The following INPP5A variants were observed in gnomAD, a reference collection of about 807,000 sequenced individuals.
INPP5A encodes 43 kDa inositol polyphosphate 5-phophatase.
Under a neutral mutation model 65.2 loss-of-function variants are expected in INPP5A, and 14 were observed. The ratio of observed to expected loss-of-function variants is 0.21; its 90% confidence interval spans 0.14 to 0.34. The LOEUF (loss-of-function observed/expected upper bound fraction) is 0.34. Ranked by LOEUF, INPP5A falls within the 10% of genes least tolerant of loss-of-function variation. INPP5A has a pLI of 1.00. For missense variants in INPP5A, 431 were observed against 545.6 expected (o/e 0.79, Z 2.09); for synonymous variants, 207 against 208.3 (o/e 0.99, Z 0.05).
intron 8 of INPP5A, among the ~76,000 whole-genome samples, chr10:132,717,749 T>G (rs912643560): frequency 6.8e-6 from 1 of 147,546 alleles, no homozygotes; most frequent in Non-Finnish European, 1.5e-5. Flanking sequence ...TCTTCAGGGT[T>G]CTGTGGTACC....
intron 1 of INPP5A, among the ~76,000 whole-genome samples, chr10:132,559,239 C>T (rs1221849180): frequency 1.3e-5 from 2 of 152,232 alleles, no homozygotes; most frequent in South Asian, 2.1e-4. Context: ...GCTCCATCCC[C>T]TCTCCCCGGC....
chr10:132,706,446 T>A lies in INPP5A; in HGVS notation c.475-1867T>A, dbSNP rs1845538889. On this transcript the variant is annotated intron_variant, in intron 6 of 15. Coordinates refer to ENST00000368594, the MANE Select transcript of INPP5A (RefSeq NM_005539.5). The surrounding 1 kb of genome is among the most constrained non-coding windows in gnomAD (Gnocchi z 4.7). ...TGGCAGTGAAGCTTCAGAATATTGATGACAAAGAGAAAAACTTTAAAACAG... is the reference window on the plus strand; with the variant it reads ...TGGCAGTGAAGCTTCAGAATATTGAAGACAAAGAGAAAAACTTTAAAACAG... 6.6e-6 allele frequency among the ~76,000 whole-genome samples: 1 copy of A among 152,176 alleles called. No homozygotes were observed. The highest frequency in any genetic ancestry group is 6.5e-5 in the Admixed American group (1 of 15,274).
Position 132,771,325 on chromosome 10 carries a change from G to A in INPP5A, c.977+5479G>A, listed in dbSNP as rs138658978. On this transcript the variant is annotated intron_variant, in intron 12 of 15. Transcript: ENST00000368594. ...CCTGCTTCCCTCGTAAGTGAAGGTA[G>A]CTTTTTGTTTAGTGCTGAGGGATTG... 2.2e-3 allele frequency among the ~76,000 whole-genome samples: 341 copies of A among 152,372 alleles called. 5 individuals are homozygous for A. The highest frequency in any genetic ancestry group is 8.0e-3 in the African/African-American group (331 of 41,584).
chr10:132,586,843 G>A (rs541817861), intron 1 of INPP5A, among the ~76,000 whole-genome samples: 1 of 152,172 alleles, frequency 6.6e-6, no homozygotes, highest in Non-Finnish European at 1.5e-5. Flanking sequence ...GCGCGGCGAG[G>A]CCACGGTTCT....
intron 4 of INPP5A, among the ~76,000 whole-genome samples, chr10:132,687,400 C>G (rs1004284083): frequency 2.6e-5 from 4 of 152,256 alleles, no homozygotes; most frequent in Admixed American, 6.5e-5. Context: ...CTGGACCCAG[C>G]AGCAGCTCAC....
At chr10:132,717,082 C>G (rs1051350987) in intron 8 of INPP5A, among the ~76,000 whole-genome samples, 1 of 152,214 alleles carries the variant, frequency 6.6e-6, no homozygotes, top group Non-Finnish European at 1.5e-5. Flanking sequence ...GCTTTGCAGC[C>G]GACCTTAGTT....
chr10:132,763,796 AACAC>A (rs1168277238), intron 11 of INPP5A, among the ~76,000 whole-genome samples: 4 of 145,192 alleles, frequency 2.8e-5, no homozygotes, highest in Admixed American at 6.8e-5. Context: ...CCTGCATGCA[AACAC>A]ACATGCCTGT....
At chr10:132,694,515 C>A (rs1043653880) in intron 5 of INPP5A, among the ~76,000 whole-genome samples, 1 of 151,944 alleles carries the variant, frequency 6.6e-6, no homozygotes, top group African/African-American at 2.4e-5. Flanking sequence ...AAAGAAAATT[C>A]CAAAGTAAGC....
chr10:132,738,231 G>A (rs1212652868), intron 9 of INPP5A, among the ~76,000 whole-genome samples: 4 of 152,244 alleles, frequency 2.6e-5, no homozygotes, highest in African/African-American at 4.8e-5. Context: ...AGGGCACAGA[G>A]CAGGTCTCTC....
chr10:132,778,018 C>A, intron 13 of INPP5A: 1 of 1,146,538 alleles, frequency 8.7e-7, no homozygotes, highest in Non-Finnish European at 1.2e-6. Flanking sequence ...CATGGGCAGC[C>A]AGCGTCATCC....
At chr10:132,573,273 G>C (rs527664619) in intron 1 of INPP5A, among the ~76,000 whole-genome samples, 1 of 119,244 alleles carries the variant, frequency 8.4e-6, no homozygotes, top group African/African-American at 3.3e-5. Context: ...GCTGTGTGAG[G>C]TTTTGTTGAT....
chr10:132,721,356 T>C (rs1845875104), intron 8 of INPP5A, among the ~76,000 whole-genome samples: 1 of 149,176 alleles, frequency 6.7e-6, no homozygotes, highest in Admixed American at 6.7e-5. Flanking sequence ...GGATTCTTTC[T>C]GGGGGCGCCT....
chr10:132,691,479 A>G (rs916992194), intron 5 of INPP5A, among the ~76,000 whole-genome samples: 1 of 152,262 alleles, frequency 6.6e-6, no homozygotes, highest in African/African-American at 2.4e-5. Context: ...CGTGTGCTGC[A>G]GGAAGCTGGA....
In INPP5A at chr10:132,710,454, C is replaced by T. The variant is rs771764796; in HGVS notation, c.645C>T (p.Asp215=). ...ACAAGGCACTGGGCTACGTGCTGGA[C>T]AGGTAGGTGTGGGCGGGCAGGTAGG... is the stretch of plus-strand genomic sequence containing the variant. The part of the protein sequence containing the change: ...IRHKALGYVL[D]RIIDQRFEKV... The change falls in exon 8 of 16, where the codon GAC becomes GAT. Residue 215 remains aspartate, a splice_region_variant and synonymous_variant. Coordinates refer to ENST00000368594, the MANE Select transcript of INPP5A (RefSeq NM_005539.5). 1 of 1,613,250 alleles carries T rather than the reference C, an allele frequency of 6.2e-7. No individual in the cohort carries two copies. Among genetic ancestry groups the T allele is most frequent in the Non-Finnish European group, 8.5e-7 (1 of 1,179,788 alleles).
rs1319561579 is a variant in INPP5A, at chr10:132,752,674, G to A, written c.903+2829G>A. ...CACGGGGCGTGGAGGGGCACGGGGC[G>A]TGGAGGGGGTGCGGCATGGAGGGGG... On this transcript the variant is annotated intron_variant, in intron 11 of 15. Transcript: ENST00000368594. 1.5e-3 allele frequency among the ~76,000 whole-genome samples: 199 copies of A among 132,756 alleles called. 2 individuals carry two copies. Among genetic ancestry groups the A allele is most frequent in the African/African-American group, 5.0e-3 (175 of 34,944 alleles). The allele number at this position is 132,756 out of a possible 152,430, so 87.1% of individuals were successfully genotyped here.
intron 10 of INPP5A, 41 bp downstream of exon 10, chr10:132,749,653 T>C (rs1846436963): frequency 1.2e-6 from 2 of 1,602,536 alleles, no homozygotes. Context: ...GCACGGGGCC[T>C]GCGCAGGACT....
intron 4 of INPP5A, among the ~76,000 whole-genome samples, chr10:132,683,436 A>T (rs1012073849): frequency 6.6e-6 from 1 of 152,202 alleles, no homozygotes; most frequent in Non-Finnish European, 1.5e-5. Context: ...GCGGTGACAC[A>T]GCAAGGCTGT....
chr10:132,738,401 C>T (rs1232403758), intron 9 of INPP5A, among the ~76,000 whole-genome samples: 1 of 152,232 alleles, frequency 6.6e-6, no homozygotes, highest in Non-Finnish European at 1.5e-5. Flanking sequence ...CCTGCGTCCC[C>T]CTCCCTTTGC....
At position 132,736,162 on chromosome 10, in the gene INPP5A, G is replaced by A. The variant is rs183456802; in HGVS notation, c.732+9257G>A. 5.5e-3 allele frequency among the ~76,000 whole-genome samples: 835 copies of A among 152,354 alleles called. 9 individuals carry two copies. The highest frequency in any genetic ancestry group is 7.7e-3 in the Non-Finnish European group (524 of 68,038). On this transcript the variant is annotated intron_variant, in intron 9 of 15. Transcript: ENST00000368594. Reference sequence around the variant, plus strand: ...CTGAGAGGGCCGTGCGTCCTCACACGAGTCAGTGATGCAGCCTGCGGCTCC... The same window carrying A: ...CTGAGAGGGCCGTGCGTCCTCACACAAGTCAGTGATGCAGCCTGCGGCTCC...
Sources: gnomAD v4.1 joint callset for allele counts (sites outside exome capture counted in the v4.1 genomes callset) on GRCh38, gnomAD v4.1.1 for gene constraint, Gnocchi (gnomAD v3.1) non-coding constraint, MANE v1.5 for transcripts, NCBI Gene and HGNC (gene_info 2026-07-23, HGNC 2026-07-21) for gene names.